The following TG variants were observed in gnomAD, a reference collection of about 807,000 sequenced individuals.
TG encodes the protein thyroglobulin, also known as thyroid hormones.
TG carries 270 observed loss-of-function variants against 324.7 expected under a neutral mutation model. The ratio of observed to expected loss-of-function variants is 0.83; its 90% CI spans 0.75 to 0.92. The LOEUF is 0.92. Among genes scored for constraint, TG ranks in the 40% least tolerant of loss-of-function variants. The pLI is 0.00. For missense variants in TG, 3,591 were observed against 3,456.4 expected (o/e 1.04, Z -0.98); for synonymous variants, 1,401 against 1,327.0 (o/e 1.06, Z -1.21).
intron 41 of TG, among the ~76,000 whole-genome samples, chr8:133,043,616 G>C (rs1017873336): frequency 3.3e-5 from 5 of 152,148 alleles, no homozygotes; most frequent in African/African-American, 1.2e-4. Flanking sequence ...AGTTCTGAGG[G>C]GTAGCTGACC....
chr8:132,997,060 A>G (rs764576747), intron 35 of TG, among the ~76,000 whole-genome samples: 1 of 152,222 alleles, frequency 6.6e-6, no homozygotes, highest in African/African-American at 2.4e-5. Context: ...TGCAGGGACA[A>G]TATTCACTTG....
Position 132,961,031 on chromosome 8 carries a change from C to G in TG, c.5425C>G (p.Gln1809Glu). 3.7e-6 allele frequency: 6 copies of G among 1,614,026 alleles called. No homozygotes were observed. The highest frequency in any genetic ancestry group is 1.3e-5 in the African/African-American group (1 of 75,026). Residue 1809 changes from glutamine (Q) to glutamate (E), a missense_variant, in exon 28 of 48, where the codon CAA becomes GAA. Physicochemically the swap from Gln to Glu is conservative, Grantham distance 29. Transcript: ENST00000220616. ...AGGTCTGACACCCTTAGAAGGAACTCAAGACACCTTTACCAATTTTCAGCA... is the reference window on the plus strand; with the variant it reads ...AGGTCTGACACCCTTAGAAGGAACTGAAGACACCTTTACCAATTTTCAGCA... ...IKSLTPLEGT[Q>E]DTFTNFQQVY...
intron 16 of TG, among the ~76,000 whole-genome samples, chr8:132,902,772 T>G (rs1411674536): frequency 6.6e-6 from 1 of 152,178 alleles, no homozygotes; most frequent in African/African-American, 2.4e-5. Context: ...CACAGACCGG[T>G]GTGGCCTCCT....
intron 17 of TG, among the ~76,000 whole-genome samples, chr8:132,907,416 G>A (rs1004182047): frequency 7.2e-5 from 11 of 152,162 alleles, no homozygotes; most frequent in South Asian, 4.2e-4. Flanking sequence ...TGTAAGTTTC[G>A]GCCCCCTTTC....
intron 45 of TG, among the ~76,000 whole-genome samples, chr8:133,128,626 C>T (rs1446052386): frequency 6.6e-6 from 1 of 152,154 alleles, no homozygotes; most frequent in Non-Finnish European, 1.5e-5. Context: ...GGGACTTGCA[C>T]AGAGCTTGCC....
rs376362663 is a variant in TG at position 132,963,081 on chromosome 8, A to C, written c.5548+7A>C. ...GCATCTCCAACAGAAGCAGGTACTG[A>C]CCCCCAAACCTTCTTACACACTTGG... On this transcript the variant is annotated splice_region_variant and intron_variant, in intron 29 of 47. Coordinates refer to ENST00000220616, the MANE Select transcript of TG (RefSeq NM_003235.5). The C allele has an allele frequency of 1.6e-5, 26 of 1,613,716 alleles. No individual in the cohort carries two copies. The highest frequency in any genetic ancestry group is 1.6e-4 in the Middle Eastern group (1 of 6,080).
intron 32 of TG, among the ~76,000 whole-genome samples, chr8:132,969,824 G>A (rs543205019): frequency 7.0e-6 from 1 of 141,948 alleles, no homozygotes; most frequent in East Asian, 2.2e-4. Context: ...TGAGGCAGAA[G>A]AATTGCTTGA....
intron 35 of TG, among the ~76,000 whole-genome samples, chr8:133,010,838 G>A (rs1834442628): frequency 6.6e-6 from 1 of 152,156 alleles, no homozygotes; most frequent in Admixed American, 6.5e-5. Flanking sequence ...CCCCCATGCT[G>A]AGACAGCCAC....
chr8:133,123,597 A>G (rs1564214379), intron 45 of TG, among the ~76,000 whole-genome samples: 1 of 152,092 alleles, frequency 6.6e-6, no homozygotes, highest in African/African-American at 2.4e-5. Flanking sequence ...CTCTCTAAAC[A>G]GCCCCTTTCA....
chr8:132,967,604 C>T (rs1828816669), intron 30 of TG, among the ~76,000 whole-genome samples, 190 bp from the exon 31 acceptor site: 1 of 152,170 alleles, frequency 6.6e-6, no homozygotes, highest in Admixed American at 6.5e-5. Context: ...ACACGGCCCC[C>T]TCCCCAGCTA....
chr8:133,031,531 G>A (rs773363173), intron 41 of TG, among the ~76,000 whole-genome samples: 1 of 152,164 alleles, frequency 6.6e-6, no homozygotes, highest in Admixed American at 6.5e-5. Flanking sequence ...GGGCAACGCT[G>A]GAGGCAAAGA....
chr8:132,969,900 G>A (rs564846690), intron 32 of TG, among the ~76,000 whole-genome samples: 48 of 120,238 alleles, frequency 4.0e-4, no homozygotes, highest in Middle Eastern at 6.4e-3. Context: ...GCAACAGAGC[G>A]AGACTCTGTC....
intron 27 of TG, among the ~76,000 whole-genome samples, chr8:132,959,665 G>C (rs1354482361): frequency 6.6e-6 from 1 of 152,158 alleles, no homozygotes; most frequent in African/African-American, 2.4e-5. Flanking sequence ...TGGTGATTAG[G>C]AAGGAGTATG....
At chr8:132,980,082 G>A (rs1016956056) in intron 34 of TG, among the ~76,000 whole-genome samples, 1 of 152,114 alleles carries the variant, frequency 6.6e-6, no homozygotes, top group Non-Finnish European at 1.5e-5. Flanking sequence ...GGACAAGGGG[G>A]CTGGGGAAGG....
chr8:132,898,098 T>G (rs1817382825), intron 12 of TG, 71 bp from the exon 13 acceptor site: 2 of 1,425,754 alleles, frequency 1.4e-6, no homozygotes, highest in Non-Finnish European at 1.9e-6. Flanking sequence ...AGAAGGAAAG[T>G]TGTTTATGGG....
chr8:132,955,719 G>A (rs1211649436), intron 27 of TG, among the ~76,000 whole-genome samples: 1 of 152,224 alleles, frequency 6.6e-6, no homozygotes, highest in African/African-American at 2.4e-5. Flanking sequence ...CTCCTGGACA[G>A]CAGCTTTTCC....
At chr8:133,118,627 G>C (rs983695870) in intron 45 of TG, among the ~76,000 whole-genome samples, 8 of 152,182 alleles carry the variant, frequency 5.3e-5, no homozygotes, top group African/African-American at 1.4e-4. Context: ...ACCTGGCCCT[G>C]ACTCTTGCAT....
At chr8:132,949,186 A>C (rs1825764913) in intron 27 of TG, among the ~76,000 whole-genome samples, 1 of 152,236 alleles carries the variant, frequency 6.6e-6, no homozygotes, top group Admixed American at 6.5e-5. Context: ...CCAGCAGGGC[A>C]AGTCTGCTGC....
At chr8:133,097,937 T>A (rs545279588) in intron 43 of TG, among the ~76,000 whole-genome samples, 1 of 152,174 alleles carries the variant, frequency 6.6e-6, no homozygotes, top group Non-Finnish European at 1.5e-5. Context: ...GAGTTCTCTC[T>A]GAGGGTGTAT....
Sources: gnomAD v4.1 joint callset for allele counts (sites outside exome capture counted in the v4.1 genomes callset) on GRCh38, gnomAD v4.1.1 for gene constraint, MANE v1.5 for transcripts, NCBI Gene and HGNC (gene_info 2026-07-23, HGNC 2026-07-21) for gene names.